MYO9A: variants seen among roughly 807,000 people sequenced by gnomAD.
The protein encoded by MYO9A is unconventional myosin-IXa.
MYO9A carries 103 observed loss-of-function variants against 293.3 expected under a neutral mutation model. The observed-to-expected ratio is 0.35, with a 90% CI of 0.30 to 0.41. The LOEUF is 0.41. Among genes scored for constraint, MYO9A ranks in the 10% least tolerant of loss-of-function variants. The probability of loss-of-function intolerance (pLI) is 1.00; values close to 1 mark genes in which losing one functional copy is unlikely to be tolerated. For missense variants in MYO9A, 2,685 were observed against 3,033.0 expected (o/e 0.89, Z 2.69); for synonymous variants, 1,001 against 1,035.7 (o/e 0.97, Z 0.64).
At chr15:71,986,867 G>C (rs1487719822) in intron 11 of MYO9A, among the ~76,000 whole-genome samples, 1 of 152,128 alleles carries the variant, frequency 6.6e-6, no homozygotes, top group Non-Finnish European at 1.5e-5. Context: ...AGTGTACAGT[G>C]TTTATAAAGT....
At chr15:71,846,328 T>C (rs1328372655) in intron 39 of MYO9A, among the ~76,000 whole-genome samples, 1 of 152,036 alleles carries the variant, frequency 6.6e-6, no homozygotes, top group Non-Finnish European at 1.5e-5. Flanking sequence ...GCCTCCCCTA[T>C]CACTCCTCCC....
chr15:71,864,821 GAGC>G (rs2056268642), intron 32 of MYO9A, among the ~76,000 whole-genome samples: 1 of 152,132 alleles, frequency 6.6e-6, no homozygotes, highest in Non-Finnish European at 1.5e-5. Context: ...GGCTAGTAAA[GAGC>G]AGTGACTGTA....
chr15:72,103,847 A>G (rs2080477213), intron 1 of MYO9A, among the ~76,000 whole-genome samples: 1 of 152,254 alleles, frequency 6.6e-6, no homozygotes, highest in Non-Finnish European at 1.5e-5. Flanking sequence ...GGTCAGGATA[A>G]TAACTACCTC....
chr15:72,054,766 A>T (rs1410981692), intron 1 of MYO9A, among the ~76,000 whole-genome samples: 1 of 151,892 alleles, frequency 6.6e-6, no homozygotes, highest in Non-Finnish European at 1.5e-5. Context: ...CTGTATGATT[A>T]TAAATAAGAT....
At position 71,972,164 on chromosome 15, in the gene MYO9A, T is replaced by C. The variant is rs533044537; in HGVS notation, c.1845-4039A>G. The C allele has an allele frequency of 3.2e-4, 49 of 152,228 alleles. 1 individual carries two copies. Among genetic ancestry groups the C allele is most frequent in the African/African-American group, 1.2e-3 (48 of 41,542 alleles). The allele number at this position is 152,228 out of a possible 1,614,324, so 9.4% of individuals were successfully genotyped here. ...TTCTACACAGGGTCAATAGTGCCTA[T>C]GTAATGAAGCCTCCATAAAAACCCA... is the stretch of plus-strand genomic sequence containing the variant. On this transcript the variant is annotated intron_variant, in intron 12 of 41. Coordinates refer to ENST00000356056, the MANE Select transcript of MYO9A (RefSeq NM_006901.4).
At chr15:72,060,923 G>C (rs1280979604) in intron 1 of MYO9A, among the ~76,000 whole-genome samples, 2 of 152,138 alleles carry the variant, frequency 1.3e-5, no homozygotes, top group Non-Finnish European at 2.9e-5. Flanking sequence ...GTAGCTCCAG[G>C]AGAACCTCCT....
At chr15:71,828,157 G>T in intron 40 of MYO9A, 131 bp from the exon 41 acceptor site, 2 of 1,019,268 alleles carry the variant, frequency 2.0e-6, no homozygotes, top group East Asian at 5.0e-5. Context: ...CCCCATCCAG[G>T]TGGTGATGAG....
rs999700652 is a variant in MYO9A at position 72,004,095 on chromosome 15, C to A, written c.1380+3731G>T. On this transcript the variant is annotated intron_variant, in intron 8 of 41. Transcript: ENST00000356056. Reference sequence around the variant, plus strand: ...ATTTGGTAAGGATCCTAAATATTACCCAATTCACGATTTTTTAATCAGCTC... The same window carrying A: ...ATTTGGTAAGGATCCTAAATATTACACAATTCACGATTTTTTAATCAGCTC... Among the ~76,000 whole-genome samples the A allele has an allele frequency of 4.6e-5, 7 of 152,094 alleles. 1 individual carries two copies. The highest frequency in any genetic ancestry group is 1.7e-4 in the African/African-American group (7 of 41,410).
intron 3 of MYO9A, among the ~76,000 whole-genome samples, chr15:72,030,216 A>G (rs974026208): frequency 2.6e-5 from 4 of 152,218 alleles, no homozygotes; most frequent in African/African-American, 9.6e-5. Flanking sequence ...AATGGGAGAA[A>G]GGAAATTAAC....
At chr15:72,101,336 G>A (rs2080307743) in intron 1 of MYO9A, among the ~76,000 whole-genome samples, 1 of 146,482 alleles carries the variant, frequency 6.8e-6, no homozygotes, top group African/African-American at 2.5e-5. Context: ...CGGGAGGGAG[G>A]TCGGGGCGTC....
At chr15:71,957,898 T>C (rs2059240975) in intron 14 of MYO9A, among the ~76,000 whole-genome samples, 1 of 152,196 alleles carries the variant, frequency 6.6e-6, no homozygotes, top group South Asian at 2.1e-4. Flanking sequence ...TATTTGGCTA[T>C]ACTTTTATTA....
intron 33 of MYO9A, among the ~76,000 whole-genome samples, chr15:71,861,678 A>AT (rs2056131193): frequency 1.6e-5 from 2 of 124,260 alleles, no homozygotes; most frequent in Admixed American, 8.4e-5. Flanking sequence ...CACTGATGAT[A>AT]TAAAAAAAAA....
At position 71,825,611 on chromosome 15, in the gene MYO9A, TTTGTTTGA is replaced by T. The variant is rs1011288544; in HGVS notation, c.*961_*968del. Reference sequence around the variant, plus strand: ...ACTAAACGGTCACATTATTTGTTTGTTTGTTTGAGTCTGAGTCTGTGGTGGGAATCCAC... The same window carrying T: ...ACTAAACGGTCACATTATTTGTTTGTGTCTGAGTCTGTGGTGGGAATCCAC... On this transcript the variant is annotated 3_prime_UTR_variant, in exon 42 of 42. Transcript: ENST00000356056. 8 of 152,244 alleles carry T rather than the reference TTTGTTTGA, an allele frequency of 5.3e-5. No homozygotes were observed. The highest frequency in any genetic ancestry group is 1.9e-4 in the African/African-American group (8 of 41,462). 9.4% of individuals were successfully genotyped at this position (152,244 alleles called of 1,614,324 possible). A position where few individuals can be genotyped will look rare whatever the true frequency, so the allele number is the denominator to read the frequency against.
At chr15:72,061,915 G>A (rs1279983602) in intron 1 of MYO9A, among the ~76,000 whole-genome samples, 1 of 152,216 alleles carries the variant, frequency 6.6e-6, no homozygotes, top group East Asian at 1.9e-4. Context: ...CTTCAGGTCT[G>A]ACCCAGCACA....
chr15:71,833,377 C>G (rs920997606), intron 39 of MYO9A, among the ~76,000 whole-genome samples: 4 of 151,986 alleles, frequency 2.6e-5, no homozygotes, highest in African/African-American at 9.7e-5. Context: ...GAAGTATTAC[C>G]TGTGATAAAG....
chr15:71,884,241 G>T (rs2056957538), intron 27 of MYO9A, among the ~76,000 whole-genome samples: 1 of 152,088 alleles, frequency 6.6e-6, no homozygotes, highest in South Asian at 2.1e-4. Flanking sequence ...TTATCCATAA[G>T]TATGGCAAGT....
chr15:72,083,492 G>A (rs1002805104), intron 1 of MYO9A, among the ~76,000 whole-genome samples: 4 of 152,118 alleles, frequency 2.6e-5, no homozygotes, highest in Admixed American at 2.6e-4. Context: ...GGTTTTTCGT[G>A]TCTCAATCTC....
intron 39 of MYO9A, among the ~76,000 whole-genome samples, chr15:71,841,423 A>G (rs544351095): frequency 3.3e-5 from 5 of 152,312 alleles, no homozygotes; most frequent in African/African-American, 1.2e-4. Flanking sequence ...TGTTTTTAAA[A>G]AGAATGCTAA....
At chr15:71,928,268 G>A (rs767977603) in intron 18 of MYO9A, among the ~76,000 whole-genome samples, 4 of 148,112 alleles carry the variant, frequency 2.7e-5, no homozygotes, top group East Asian at 2.0e-4. Context: ...TAGTAGAGAC[G>A]GGGTTTCACC....
Sources: allele counts gnomAD v4.1 joint callset (sites outside exome capture counted in the v4.1 genomes callset), GRCh38; gene constraint gnomAD v4.1.1; transcripts MANE v1.5; gene names NCBI Gene and HGNC (gene_info 2026-07-23, HGNC 2026-07-21).